MAPK3: variants seen among roughly 807,000 people sequenced by gnomAD.
MAPK3 encodes mitogen-activated protein kinase 3.
A neutral mutation model predicts 41.8 loss-of-function variants in MAPK3; 30 were observed. The ratio of observed to expected loss-of-function variants is 0.72; its 90% CI spans 0.54 to 0.97. The LOEUF (loss-of-function observed/expected upper bound fraction) is 0.97, where lower values mean the gene tolerates loss of function less well. MAPK3 is among the 50% of genes least tolerant of loss of function. The probability of loss-of-function intolerance (pLI) is 0.00; values close to 1 mark genes in which losing one functional copy is unlikely to be tolerated. For synonymous variants in MAPK3, 222 were observed against 213.4 expected (o/e 1.04, Z -0.35); for missense variants, 413 against 509.9 (o/e 0.81, Z 1.83).
At chr16:30,118,559 C>A (rs748988935) in intron 2 of MAPK3, 21 bp from the exon 3 acceptor site, 7 of 1,598,142 alleles carry the variant, frequency 4.4e-6, no homozygotes, top group Non-Finnish European at 4.3e-6. Context: ...TTCCGCAGAC[C>A]CCCCCAGGCA....
At position 30,121,818 on chromosome 16, in the gene MAPK3, G is replaced by A; in HGVS notation, c.353+6C>T. 1.2e-6 allele frequency: 2 copies of A among 1,613,418 alleles called. No individual in the cohort carries two copies. The highest frequency in any genetic ancestry group is 1.7e-6 in the Non-Finnish European group (2 of 1,179,638). On this transcript the variant is annotated splice_donor_region_variant and intron_variant, in intron 2 of 8. Transcript: ENST00000263025. ...TGACCAGCCGACTGGCCAAGGTGAA[G>A]GATACACATCTCTCATGGCTTCCAG... is the stretch of plus-strand genomic sequence containing the variant.
At chr16:30,117,979 C>G in intron 4 of MAPK3, 68 bp downstream of exon 4, 1 of 1,428,924 alleles carries the variant, frequency 7.0e-7, no homozygotes, top group Admixed American at 1.7e-5. Context: ...CAGTGTCTGG[C>G]TCAGAGGTAG....
In MAPK3 at chr16:30,114,324, G is replaced by C. The variant is rs1240378710; in HGVS notation, c.*417C>G. The C allele has an allele frequency of 2.6e-5, 4 of 152,566 alleles. No individual in the cohort carries two copies. The highest frequency in any genetic ancestry group is 5.9e-5 in the Non-Finnish European group (4 of 68,094). 9.5% of individuals were successfully genotyped at this position (152,566 alleles called of 1,614,324 possible). On this transcript the variant is annotated 3_prime_UTR_variant, in exon 9 of 9. Coordinates refer to ENST00000263025, the MANE Select transcript of MAPK3 (RefSeq NM_002746.3). ...AAGGAATGTTCCTTCAGGGAAACTA[G>C]GGTGGGGTTTGAATGAGATGAGGGG...
chr16:30,116,036 A>T (rs1400652241), intron 8 of MAPK3: 7 of 141,548 alleles, frequency 4.9e-5, no homozygotes, highest in African/African-American at 1.9e-4. Flanking sequence ...GATTACAGGC[A>T]TGAGCCACTG....
At chr16:30,116,588 AGATATT>A in intron 8 of MAPK3, 42 bp downstream of exon 8, 1 of 1,550,864 alleles carries the variant, frequency 6.4e-7, no homozygotes, top group Admixed American at 1.8e-5. Context: ...ATACAGATAT[AGATATT>A]TAGTATCAGG....
In MAPK3 at chr16:30,116,786, A is replaced by T. The variant is rs764055195; in HGVS notation, c.1022T>A (p.Val341Glu). Residue 341 changes from valine (V) to glutamate (E), a missense_variant, in exon 8 of 9, where the codon GTG becomes GAG. Transcript: ENST00000263025. The part of the protein sequence containing the change: ...EQYYDPTDEP[V>E]AEEPFTFAME... ...GGCGAAGGTGAAGGGCTCCTCGGCC[A>T]CTGGCTGGGGTGGTAGAGACAGCAA... The T allele has an allele frequency of 1.2e-6, 2 of 1,613,982 alleles. No homozygotes were observed. The highest frequency in any genetic ancestry group is 1.7e-6 in the Non-Finnish European group (2 of 1,180,002).
rs2072956409 is a variant in MAPK3 at position 30,116,640 on chromosome 16, C to T, written c.*28G>A. 1 of 1,610,924 alleles carries T rather than the reference C, an allele frequency of 6.2e-7. No individual in the cohort carries two copies. The highest frequency in any genetic ancestry group is 8.5e-7 in the Non-Finnish European group (1 of 1,179,502). On this transcript the variant is annotated 3_prime_UTR_variant, in exon 8 of 9. Transcript: ENST00000263025. ...GTGGGCCATGGAGACACTCACCAGG[C>T]CCCAGGGTGCAGAGATGTCTGTCTG...
In MAPK3 at chr16:30,116,934, G is replaced by C. The variant is rs1339088523; in HGVS notation, c.977C>G (p.Ala326Gly). 2 of 1,613,872 alleles carry C rather than the reference G, an allele frequency of 1.2e-6. No individual in the cohort carries two copies. The highest frequency in any genetic ancestry group is 3.3e-5 in the Admixed American group (2 of 59,998). The change falls in exon 7 of 9, where the codon GCT becomes GGT. Residue 326 changes from alanine (A) to glycine (G), a missense_variant. By Grantham distance (60) the Ala-to-Gly change is moderately conservative. This residue lies in a region of MAPK3 where 123 missense variants were observed against 147.8 expected (regional missense o/e 0.83). Transcript: ENST00000263025. ...ATAGTACTGCTCCAGGTAGGGGTGA[G>C]CCAGCGCTTCCTCCACTGTGATCCG... The part of the protein sequence containing the change: ...NKRITVEEAL[A>G]HPYLEQYYDP...
chr16:30,122,899 A>G, intron 1 of MAPK3, 141 bp downstream of exon 1: 1 of 644,748 alleles, frequency 1.6e-6, no homozygotes, highest in Non-Finnish European at 2.3e-6. Context: ...CCTCCCTGGG[A>G]CGCTCCCGAT....
intron 2 of MAPK3, among the ~76,000 whole-genome samples, chr16:30,121,420 T>C (rs1257864223): frequency 1.3e-5 from 2 of 152,208 alleles, no homozygotes; most frequent in Admixed American, 6.6e-5. Context: ...GACAGTTTTC[T>C]TTCTCCCTGT....
intron 4 of MAPK3, 31 bp downstream of exon 4, chr16:30,118,016 G>C (rs761516877): frequency 6.3e-7 from 1 of 1,588,912 alleles, no homozygotes; most frequent in Non-Finnish European, 8.6e-7. Context: ...GAACTGGTCC[G>C]TTCCTTTCAG....
rs1200770355 is a variant in MAPK3 at position 30,118,347 on chromosome 16, A to C, written c.543+2T>G. 1 of 1,608,618 alleles carries C rather than the reference A, an allele frequency of 6.2e-7. No homozygotes were observed. Among genetic ancestry groups the C allele is most frequent in the Non-Finnish European group, 8.5e-7 (1 of 1,177,466 alleles). ...GAGGGGACAGGTGCCCAACCCTCTGACCTTAAGGTCGCAGGTGGTGTTGAT... is the reference window on the plus strand; with the variant it reads ...GAGGGGACAGGTGCCCAACCCTCTGCCCTTAAGGTCGCAGGTGGTGTTGAT... On this transcript the variant is annotated splice_donor_variant, in intron 3 of 8. Transcript: ENST00000263025. LOFTEE classifies it high-confidence loss of function.
At chr16:30,115,391 A>G (rs1250872902) in intron 8 of MAPK3, among the ~76,000 whole-genome samples, 1 of 152,196 alleles carries the variant, frequency 6.6e-6, no homozygotes, top group African/African-American at 2.4e-5. Context: ...GAAGACAGGA[A>G]GAGACCGGAG....
intron 2 of MAPK3, among the ~76,000 whole-genome samples, chr16:30,119,777 A>G (rs2072997328): frequency 6.6e-6 from 1 of 152,208 alleles, no homozygotes; most frequent in South Asian, 2.1e-4. Flanking sequence ...GTCTTTTTCT[A>G]TTTGAAGATA....
In MAPK3 at chr16:30,123,183, GC is replaced by G; in HGVS notation, c.26del (p.Gly9AlafsTer23). 6 of 496,724 alleles carry G rather than the reference GC, an allele frequency of 1.2e-5. No homozygotes were observed. Among genetic ancestry groups the G allele is most frequent in the South Asian group, 2.6e-5 (1 of 39,064 alleles). 30.8% of individuals were successfully genotyped at this position (496,724 alleles called of 1,614,324 possible). A position where few individuals can be genotyped will look rare whatever the true frequency, so the allele number is the denominator to read the frequency against. On this transcript the variant is annotated frameshift_variant, in exon 1 of 9. Transcript: ENST00000263025. LOFTEE classifies it high-confidence loss of function. MAAAAAQG[G>X]GGGEPRRTEG... is the part of the protein sequence containing the mutation. ...CGGTTCTACGGGGCTCCCCGCCCCC[GC>G]CCCCCTGAGCCGCCGCCGCCGCCAT...
In MAPK3 at chr16:30,118,478, C is replaced by T. The variant is rs2072982474; in HGVS notation, c.414G>A (p.Leu138=). The change falls in exon 3 of 9, where the codon CTG becomes CTA. Residue 138 remains leucine, a synonymous_variant. Coordinates refer to ENST00000263025, the MANE Select transcript of MAPK3 (RefSeq NM_002746.3). ...GGAAGTAGCAGATATGGTCATTGCT[C>T]AGCTGCTGGCTTTTCAGCAACTTGT... The part of the protein sequence containing the change: ...DLYKLLKSQQ[L]SNDHICYFLY... The T allele has an allele frequency of 3.7e-6, 6 of 1,614,034 alleles. No homozygotes were observed. The highest frequency in any genetic ancestry group is 5.1e-6 in the Non-Finnish European group (6 of 1,179,996).
chr16:30,117,237 A>G lies in MAPK3; in HGVS notation c.824T>C (p.Met275Thr). Residue 275 changes from methionine to threonine, a missense_variant, in exon 6 of 9, where the codon ATG becomes ACG. Coordinates refer to ENST00000263025, the MANE Select transcript of MAPK3 (RefSeq NM_002746.3). ...SQEDLNCIIN[M>T]KARNYLQSLP... ...AGACTGTAGGTAGTTTCGGGCCTTC[A>G]TGTTGATGATACAATTCAGGTCCTC... is the stretch of plus-strand genomic sequence containing the variant. 1.2e-6 allele frequency: 2 copies of G among 1,614,094 alleles called. No homozygotes were observed. The highest frequency in any genetic ancestry group is 1.7e-6 in the Non-Finnish European group (2 of 1,179,990).
At chr16:30,115,265 C>G (rs895468702) in intron 8 of MAPK3, among the ~76,000 whole-genome samples, 5 of 152,120 alleles carry the variant, frequency 3.3e-5, no homozygotes, top group African/African-American at 1.2e-4. Context: ...ACTCCGGAAA[C>G]TGAGGCGCCG....
intron 2 of MAPK3, among the ~76,000 whole-genome samples, chr16:30,119,802 C>A (rs771188291): frequency 6.6e-6 from 1 of 152,114 alleles, no homozygotes; most frequent in Non-Finnish European, 1.5e-5. Flanking sequence ...AAAGCTTATG[C>A]GTAAATAAAT....
Sources: gnomAD v4.1 joint callset for allele counts (sites outside exome capture counted in the v4.1 genomes callset) on GRCh38, gnomAD v4.1.1 for gene constraint, gnomAD v4.1.1 regional missense constraint, MANE v1.5 for transcripts, NCBI Gene and HGNC (gene_info 2026-07-23, HGNC 2026-07-21) for gene names.